Variants in HECW2 observed in about 807,000 individuals in gnomAD.
The protein encoded by HECW2 is HECT, C2 and WW domain containing E3 ubiquitin protein ligase 2.
HECW2 carries 61 observed loss-of-function variants against 175.2 expected under a neutral mutation model. The ratio of observed to expected loss-of-function variants is 0.35; its 90% CI spans 0.28 to 0.43. The LOEUF (loss-of-function observed/expected upper bound fraction) is 0.43. Among genes scored for constraint, HECW2 ranks in the 20% least tolerant of loss-of-function variants. The probability of loss-of-function intolerance (pLI) is 1.00; values close to 1 mark genes in which losing one functional copy is unlikely to be tolerated. For missense variants in HECW2, 1,524 were observed against 2,000.5 expected (o/e 0.76, Z 4.54); for synonymous variants, 671 against 731.0 (o/e 0.92, Z 1.32).
intron 16 of HECW2, 38 bp from the exon 17 acceptor site, chr2:196,271,327 G>A (rs761865505): frequency 7.0e-7 from 1 of 1,426,322 alleles, no homozygotes; most frequent in Admixed American, 1.7e-5. Flanking sequence ...ATTTAAAAAA[G>A]AATCTATTTT....
intron 16 of HECW2, 75 bp from the exon 17 acceptor site, chr2:196,271,364 T>A: frequency 1.9e-6 from 2 of 1,062,130 alleles, no homozygotes; most frequent in Admixed American, 4.2e-5. Flanking sequence ...AATCCAAACC[T>A]GTGTGCCCCA....
In HECW2 at chr2:196,334,410, C is replaced by T. The variant is rs372848449; in HGVS notation, c.495+14G>A. On this transcript the variant is annotated intron_variant, in intron 4 of 28. Transcript: ENST00000644978. ...ATGGATCTCACAAGGAAGCTGGCAGCGAGGGGCACTCACCATCACAGCTGG... is the reference window on the plus strand; with the variant it reads ...ATGGATCTCACAAGGAAGCTGGCAGTGAGGGGCACTCACCATCACAGCTGG... 19 of 1,591,416 alleles carry T rather than the reference C, an allele frequency of 1.2e-5. No individual in the cohort carries two copies. The highest frequency in any genetic ancestry group is 1.0e-4 in the Admixed American group (6 of 57,366).
At chr2:196,441,665 A>T (rs1696049222) in intron 1 of HECW2, among the ~76,000 whole-genome samples, 1 of 152,190 alleles carries the variant, frequency 6.6e-6, no homozygotes, top group Admixed American at 6.5e-5. Flanking sequence ...AGCAAGAGAG[A>T]GCATTTTCAG....
chr2:196,487,077 A>G (rs941322964), intron 1 of HECW2, among the ~76,000 whole-genome samples: 2 of 151,342 alleles, frequency 1.3e-5, no homozygotes, highest in African/African-American at 4.9e-5. Context: ...TGAACCCAGG[A>G]GACGGAGGTT....
chr2:196,553,346 G>T (rs999950753), intron 1 of HECW2, among the ~76,000 whole-genome samples: 23 of 152,078 alleles, frequency 1.5e-4, no homozygotes, highest in African/African-American at 5.6e-4. Flanking sequence ...GTAACCTGTG[G>T]GTACTTGGCA....
intron 18 of HECW2, among the ~76,000 whole-genome samples, chr2:196,255,330 G>C (rs1689017735): frequency 6.6e-6 from 1 of 151,476 alleles, no homozygotes; most frequent in African/African-American, 2.4e-5. Context: ...TATTCTTCCA[G>C]TTGATTATCT....
In HECW2 at chr2:196,198,063, T is replaced by C. The variant is rs1201389383; in HGVS notation, c.*3214A>G. 2 of 152,230 alleles carry C rather than the reference T, an allele frequency of 1.3e-5. No homozygotes were observed. Among genetic ancestry groups the C allele is most frequent in the African/African-American group, 2.4e-5 (1 of 41,474 alleles). 9.4% of individuals were successfully genotyped at this position (152,230 alleles called of 1,614,324 possible). The stretch of plus-strand genomic sequence containing the variant: ...TCATTTTGTGCACAAGAAAAATGTT[T>C]TGACCCCAGAAGTGGTTTGGGCTCA... On this transcript the variant is annotated 3_prime_UTR_variant, in exon 29 of 29. Coordinates refer to ENST00000644978, the MANE Select transcript of HECW2 (RefSeq NM_001348768.2).
chr2:196,376,472 T>C (rs1369430781), intron 2 of HECW2, among the ~76,000 whole-genome samples: 2 of 150,134 alleles, frequency 1.3e-5, no homozygotes, highest in Non-Finnish European at 3.0e-5. Context: ...CTACTAAAAA[T>C]ACAAAAATTA....
At chr2:196,395,620 C>T (rs1694638027) in intron 2 of HECW2, among the ~76,000 whole-genome samples, 1 of 151,726 alleles carries the variant, frequency 6.6e-6, no homozygotes, top group Non-Finnish European at 1.5e-5. Flanking sequence ...AGATGTTTAA[C>T]ATCACTAATG....
At chr2:196,453,923 C>A (rs1040100664) in intron 1 of HECW2, among the ~76,000 whole-genome samples, 18 of 152,108 alleles carry the variant, frequency 1.2e-4, no homozygotes, top group Admixed American at 9.2e-4. Flanking sequence ...AGGCAAAAAA[C>A]CAAACTGGAA....
chr2:196,314,330 C>T (rs1386484596), intron 10 of HECW2, among the ~76,000 whole-genome samples: 1 of 152,136 alleles, frequency 6.6e-6, no homozygotes, highest in Non-Finnish European at 1.5e-5. Context: ...TCAGTGAAAC[C>T]CCCAAACCCT....
intron 1 of HECW2, among the ~76,000 whole-genome samples, chr2:196,575,843 A>G (rs1200846333): frequency 6.6e-6 from 1 of 151,182 alleles, no homozygotes; most frequent in Non-Finnish European, 1.5e-5. Flanking sequence ...GAGAGCTGCC[A>G]AGCTCTTTTA....
chr2:196,411,159 T>C (rs1695098708), intron 2 of HECW2, among the ~76,000 whole-genome samples: 1 of 152,136 alleles, frequency 6.6e-6, no homozygotes, highest in Non-Finnish European at 1.5e-5. Flanking sequence ...CTACCATATA[T>C]GGCTAATTTT....
intron 2 of HECW2, among the ~76,000 whole-genome samples, chr2:196,429,792 A>G (rs1358159726): frequency 6.6e-6 from 1 of 152,190 alleles, no homozygotes; most frequent in South Asian, 2.1e-4. Context: ...CAACCGGAGT[A>G]CTAGAATCTC....
chr2:196,520,990 G>A (rs1688349273), intron 1 of HECW2, among the ~76,000 whole-genome samples: 1 of 152,262 alleles, frequency 6.6e-6, no homozygotes, highest in African/African-American at 2.4e-5. Flanking sequence ...CAGGGAACGA[G>A]CCCTACAAAA....
chr2:196,263,914 A>G (rs1055905662), intron 17 of HECW2: 2 of 152,368 alleles, frequency 1.3e-5, no homozygotes, highest in African/African-American at 4.8e-5. Flanking sequence ...ACTATTGAGT[A>G]TATTATTAGA....
intron 2 of HECW2, among the ~76,000 whole-genome samples, chr2:196,347,298 G>A (rs1319865714): frequency 2.0e-5 from 3 of 152,026 alleles, no homozygotes; most frequent in African/African-American, 4.8e-5. Flanking sequence ...CTGACCTCGT[G>A]ATCCACCTGC....
chr2:196,300,497 T>C (rs1691003852), intron 13 of HECW2, among the ~76,000 whole-genome samples: 1 of 152,222 alleles, frequency 6.6e-6, no homozygotes, highest in South Asian at 2.1e-4. Context: ...AACTCCAACA[T>C]GTCTCCCTTT....
In HECW2 at chr2:196,196,412, A is replaced by G. The variant is rs1290837703; in HGVS notation, c.*4865T>C. ...CTAAGTTTTTGAAAATTAGAGTCTA[A>G]AAGTGACATTCTCATCAAACTCACG... On this transcript the variant is annotated 3_prime_UTR_variant, in exon 29 of 29. Transcript: ENST00000644978. The G allele has an allele frequency of 6.6e-6, 1 of 152,226 alleles. No individual in the cohort carries two copies. Among genetic ancestry groups the G allele is most frequent in the Non-Finnish European group, 1.5e-5 (1 of 68,046 alleles). 9.4% of individuals were successfully genotyped at this position (152,226 alleles called of 1,614,324 possible).
Sources: gnomAD v4.1 joint callset for allele counts (sites outside exome capture counted in the v4.1 genomes callset) on GRCh38, gnomAD v4.1.1 for gene constraint, MANE v1.5 for transcripts, NCBI Gene and HGNC (gene_info 2026-07-23, HGNC 2026-07-21) for gene names.